Variants in AK5 observed in about 807,000 individuals in gnomAD.
AK5 encodes adenylate kinase 5, also known as adenylate kinase isoenzyme 5.
AK5 carries 27 observed loss-of-function variants against 69.5 expected under a neutral mutation model. The ratio of observed to expected loss-of-function variants is 0.39; its 90% CI spans 0.29 to 0.54. AK5 has a LOEUF of 0.54. Ranked by LOEUF, AK5 falls within the 20% of genes least tolerant of loss-of-function variation. The pLI, the probability that AK5 is intolerant of heterozygous loss-of-function variation, is 0.71. For synonymous variants in AK5, 260 were observed against 244.4 expected (o/e 1.06, Z -0.60); for missense variants, 531 against 700.4 (o/e 0.76, Z 2.73).
At chr1:77,457,484 C>T (rs1257448676) in intron 8 of AK5, among the ~76,000 whole-genome samples, 1 of 152,104 alleles carries the variant, frequency 6.6e-6, no homozygotes, top group African/African-American at 2.4e-5. Context: ...ACTTCCTTAA[C>T]TTCACCTTCC....
At chr1:77,397,492 T>A (rs1490929097) in intron 6 of AK5, among the ~76,000 whole-genome samples, 1 of 152,228 alleles carries the variant, frequency 6.6e-6, no homozygotes, top group Non-Finnish European at 1.5e-5. Flanking sequence ...GCACAATTTT[T>A]CTAGCAGCTA....
At chr1:77,426,056 G>T (rs1024789721) in intron 8 of AK5, among the ~76,000 whole-genome samples, 1 of 152,114 alleles carries the variant, frequency 6.6e-6, no homozygotes, top group African/African-American at 2.4e-5. Flanking sequence ...AAGTTTGCCA[G>T]ACAAAAATAG....
chr1:77,282,252 G>C lies in AK5; in HGVS notation c.-62G>C. ...TCTGCCAGCCCCAGCTTCAGCCCCG[G>C]CTCAGGTCGCCGCAGCCCGGGAGCC... On this transcript the variant is annotated 5_prime_UTR_variant, in exon 1 of 14. Coordinates refer to ENST00000354567, the MANE Select transcript of AK5 (RefSeq NM_174858.3). The C allele has an allele frequency of 6.7e-7, 1 of 1,494,480 alleles. No individual in the cohort carries two copies. The highest frequency in any genetic ancestry group is 9.0e-7 in the Non-Finnish European group (1 of 1,108,276). 92.6% of individuals were successfully genotyped at this position (1,494,480 alleles called of 1,614,324 possible).
At chr1:77,556,292 C>T (rs1339374772) in intron 13 of AK5, among the ~76,000 whole-genome samples, 2 of 152,100 alleles carry the variant, frequency 1.3e-5, no homozygotes, top group African/African-American at 4.8e-5. Context: ...TCCTGGATTT[C>T]GTGATAATCA....
At chr1:77,334,888 A>C (rs1661270931) in intron 5 of AK5, among the ~76,000 whole-genome samples, 1 of 152,146 alleles carries the variant, frequency 6.6e-6, no homozygotes, top group Non-Finnish European at 1.5e-5. Flanking sequence ...TTTGTCCCCT[A>C]ACCCTGTGAT....
chr1:77,512,243 G>T (rs1380656981), intron 10 of AK5, among the ~76,000 whole-genome samples: 1 of 151,834 alleles, frequency 6.6e-6, no homozygotes, highest in Non-Finnish European at 1.5e-5. Flanking sequence ...GTGTGTGTGT[G>T]AGAGAGAGAG....
In AK5 at chr1:77,477,615, C is replaced by T. The variant is rs567480791; in HGVS notation, c.1060-5702C>T. 3.3e-5 allele frequency among the ~76,000 whole-genome samples: 5 copies of T among 152,260 alleles called. No homozygotes were observed. The East Asian group carries it at 9.6e-4, about 29-fold the overall frequency. ...TAGAAAAGACTGCTCCTTACATTAT[C>T]TTAGAGACTAAGGAATCACTTTTAA... On this transcript the variant is annotated intron_variant, in intron 8 of 13. Transcript: ENST00000354567.
At chr1:77,382,170 A>G (rs934847351) in intron 6 of AK5, among the ~76,000 whole-genome samples, 10 of 151,942 alleles carry the variant, frequency 6.6e-5, no homozygotes, top group African/African-American at 2.4e-4. Flanking sequence ...TCGTTTTCCC[A>G]TAAAAGAACC....
chr1:77,496,085 G>A (rs372989872), intron 10 of AK5, among the ~76,000 whole-genome samples: 4 of 152,334 alleles, frequency 2.6e-5, no homozygotes, highest in South Asian at 2.1e-4. Flanking sequence ...CTTGGCACAC[G>A]CAATGGCAGA....
At chr1:77,291,722 A>G (rs957483660) in intron 2 of AK5, among the ~76,000 whole-genome samples, 2 of 152,232 alleles carry the variant, frequency 1.3e-5, no homozygotes, top group African/African-American at 4.8e-5. Context: ...GATCCCAGGG[A>G]TACAGAGCTC....
Position 77,417,713 on chromosome 1 carries a change from C to G in AK5, c.1057C>G (p.Gln353Glu). 6.3e-7 allele frequency: 1 copy of G among 1,580,282 alleles called. No homozygotes were observed. The highest frequency in any genetic ancestry group is 8.7e-7 in the Non-Finnish European group (1 of 1,153,012). Reference sequence around the variant, plus strand: ...TGATACAGGATCTGATTATGAAGATCAGGTAATTAAAATCTGAAAATAGTT... The same window carrying G: ...TGATACAGGATCTGATTATGAAGATGAGGTAATTAAAATCTGAAAATAGTT... Reference protein sequence around the residue: ...IIDTGSDYEDQGDDQLNVFGE... With the variant: ...IIDTGSDYEDEGDDQLNVFGE... The change falls in exon 8 of 14, where the codon CAG (glutamine) becomes GAG (glutamate). Residue 353 changes from glutamine (Q) to glutamate (E), a missense_variant and splice_region_variant. Transcript: ENST00000354567.
At chr1:77,394,955 A>G (rs1056096996) in intron 6 of AK5, among the ~76,000 whole-genome samples, 4 of 152,130 alleles carry the variant, frequency 2.6e-5, no homozygotes, top group Admixed American at 1.3e-4. Flanking sequence ...ATCTAAGAAT[A>G]CTCAGGACAA....
intron 10 of AK5, among the ~76,000 whole-genome samples, chr1:77,501,798 T>C (rs1375137837): frequency 1.3e-5 from 2 of 152,210 alleles, no homozygotes; most frequent in Non-Finnish European, 2.9e-5. Context: ...CCTTGTCTTC[T>C]AGTCTTCTCC....
At chr1:77,330,385 T>A (rs547595530) in intron 5 of AK5, among the ~76,000 whole-genome samples, 1 of 152,336 alleles carries the variant, frequency 6.6e-6, no homozygotes, top group East Asian at 1.9e-4. Context: ...CACATTTAGA[T>A]CTGAAAATCC....
Position 77,521,916 on chromosome 1 carries a change from G to A in AK5, c.1401G>A (p.Val467=), listed in dbSNP as rs1304242731. ...TGATTGACGGCTATCCTCGGGAGGT[G>A]AAGCAAGGGGAAGAGTTCGGACGCA... ...GFLIDGYPRE[V]KQGEEFGRRI... Residue 467 remains valine (V), a synonymous_variant, in exon 12 of 14, where the codon GTG becomes GTA. Transcript: ENST00000354567. 2 of 1,612,316 alleles carry A rather than the reference G, an allele frequency of 1.2e-6. No homozygotes were observed. Among genetic ancestry groups the A allele is most frequent in the Admixed American group, 3.4e-5 (2 of 59,596 alleles).
intron 12 of AK5, among the ~76,000 whole-genome samples, chr1:77,531,855 G>T (rs575173469): frequency 3.3e-4 from 50 of 152,008 alleles, no homozygotes; most frequent in African/African-American, 1.0e-3. Flanking sequence ...AGGGGGAGGT[G>T]GGGGGGAAGG....
Position 77,464,124 on chromosome 1 carries a change from G to T in AK5, c.1060-19193G>T, listed in dbSNP as rs567310732. Reference sequence around the variant, plus strand: ...AGTTCAGCTGAAGACAGGGTCCTTTGTCCCACAGCCATGAAAATTCAGGCT... The same window carrying T: ...AGTTCAGCTGAAGACAGGGTCCTTTTTCCCACAGCCATGAAAATTCAGGCT... On this transcript the variant is annotated intron_variant, in intron 8 of 13. Coordinates refer to ENST00000354567, the MANE Select transcript of AK5 (RefSeq NM_174858.3). 2.0e-5 allele frequency among the ~76,000 whole-genome samples: 3 copies of T among 152,314 alleles called. No individual in the cohort carries two copies. In the South Asian group the frequency reaches 6.2e-4, roughly 32 times the overall value.
At chr1:77,288,325 A>G (rs1658480859) in intron 2 of AK5, among the ~76,000 whole-genome samples, 1 of 152,206 alleles carries the variant, frequency 6.6e-6, no homozygotes, top group Admixed American at 6.5e-5. Flanking sequence ...AGTTCAAATC[A>G]GGGGGAACTA....
intron 8 of AK5, among the ~76,000 whole-genome samples, chr1:77,473,865 A>G (rs150331766): frequency 1.3e-4 from 20 of 152,196 alleles, no homozygotes; most frequent in African/African-American, 4.6e-4. Context: ...ATGCTCCAAA[A>G]ATGCTCTTGT....
Sources: gnomAD v4.1 joint callset for allele counts (sites outside exome capture counted in the v4.1 genomes callset) on GRCh38, gnomAD v4.1.1 for gene constraint, MANE v1.5 for transcripts, NCBI Gene and HGNC (gene_info 2026-07-23, HGNC 2026-07-21) for gene names.